EFCAB11: variants seen among roughly 807,000 people sequenced by gnomAD.
EFCAB11 encodes the protein EF-hand calcium binding domain 11, also known as EF-hand calcium-binding domain-containing protein 11.
Under a neutral mutation model 23.0 loss-of-function variants are expected in EFCAB11, and 14 were observed. That is an observed-to-expected ratio of 0.61 (90% CI 0.40 to 0.95). The LOEUF (loss-of-function observed/expected upper bound fraction) is 0.95, where lower values mean the gene tolerates loss of function less well. EFCAB11 is among the 40% of genes least tolerant of loss of function. The pLI is 0.00. For synonymous variants in EFCAB11, 65 were observed against 66.6 expected (o/e 0.98, Z 0.11); for missense variants, 198 against 195.8 (o/e 1.01, Z -0.07).
chr14:89,902,014 T>C (rs1040927926), intron 5 of EFCAB11, among the ~76,000 whole-genome samples: 1 of 126,500 alleles, frequency 7.9e-6, no homozygotes, highest in South Asian at 2.4e-4. Flanking sequence ...TAAGGGCTAC[T>C]CACCGTCATA....
At chr14:89,867,046 C>T (rs921929831) in intron 5 of EFCAB11, among the ~76,000 whole-genome samples, 1 of 152,148 alleles carries the variant, frequency 6.6e-6, no homozygotes, top group Non-Finnish European at 1.5e-5. Flanking sequence ...GGATTACAGG[C>T]GTGAGCCACT....
intron 5 of EFCAB11, among the ~76,000 whole-genome samples, chr14:89,844,025 C>G (rs1287252139): frequency 6.6e-6 from 1 of 152,122 alleles, no homozygotes; most frequent in African/African-American, 2.4e-5. Flanking sequence ...AAATGTCGAC[C>G]AAATACTAAA....
intron 5 of EFCAB11, among the ~76,000 whole-genome samples, chr14:89,801,323 T>C (rs1187379339): frequency 6.6e-6 from 1 of 152,160 alleles, no homozygotes; most frequent in African/African-American, 2.4e-5. Flanking sequence ...CTGTGGGGGA[T>C]GGTGACTTTG....
intron 5 of EFCAB11, among the ~76,000 whole-genome samples, chr14:89,806,559 G>GA (rs1566765386): frequency 3.9e-5 from 6 of 152,230 alleles, no homozygotes; most frequent in Non-Finnish European, 7.4e-5. Flanking sequence ...TAACAAATCT[G>GA]TTTCCTACAC....
At chr14:89,892,432 A>G in intron 5 of EFCAB11, 1 of 1,564,730 alleles carries the variant, frequency 6.4e-7, no homozygotes, top group Non-Finnish European at 8.6e-7. Flanking sequence ...ACCCAGGCCC[A>G]TGCCAGTGTT....
At chr14:89,954,182 T>TA (rs1328961035) in intron 1 of EFCAB11, among the ~76,000 whole-genome samples, 181 bp from the exon 2 acceptor site, 1 of 152,218 alleles carries the variant, frequency 6.6e-6, no homozygotes, top group African/African-American at 2.4e-5. Flanking sequence ...GAAATTTTCT[T>TA]AAACATGGGC....
At chr14:89,827,432 C>T (rs570741215) in intron 5 of EFCAB11, among the ~76,000 whole-genome samples, 5 of 152,084 alleles carry the variant, frequency 3.3e-5, no homozygotes, top group East Asian at 1.9e-4. Flanking sequence ...CTTCTCTGGC[C>T]GCCCGGTAGC....
At chr14:89,939,017 A>T (rs886293803) in intron 3 of EFCAB11, among the ~76,000 whole-genome samples, 3 of 151,936 alleles carry the variant, frequency 2.0e-5, no homozygotes, top group Non-Finnish European at 2.9e-5. Context: ...AGAAATCTGA[A>T]CCAATAAAAT....
At chr14:89,833,351 G>A (rs1166297083) in intron 5 of EFCAB11, among the ~76,000 whole-genome samples, 8 of 152,300 alleles carry the variant, frequency 5.3e-5, no homozygotes, top group Middle Eastern at 3.4e-3. Flanking sequence ...ATGCTGGCAG[G>A]TAAAGCCAAA....
At chr14:89,854,246 A>T (rs1887683227) in intron 5 of EFCAB11, among the ~76,000 whole-genome samples, 1 of 151,460 alleles carries the variant, frequency 6.6e-6, no homozygotes, top group African/African-American at 2.4e-5. Context: ...CATTTTTTTT[A>T]AAGAGGCATT....
At chr14:89,850,633 C>T (rs1887574733) in intron 5 of EFCAB11, among the ~76,000 whole-genome samples, 1 of 152,188 alleles carries the variant, frequency 6.6e-6, no homozygotes, top group Non-Finnish European at 1.5e-5. Flanking sequence ...CCATTCTAAG[C>T]CCTTGCTTTT....
At chr14:89,816,389 T>A (rs1166102095) in intron 5 of EFCAB11, among the ~76,000 whole-genome samples, 1 of 152,164 alleles carries the variant, frequency 6.6e-6, no homozygotes, top group African/African-American at 2.4e-5. Flanking sequence ...AAAAAGAAAG[T>A]CTTTGAAACA....
chr14:89,926,978 T>C (rs1237354867), intron 5 of EFCAB11, among the ~76,000 whole-genome samples: 1 of 152,190 alleles, frequency 6.6e-6, no homozygotes, highest in African/African-American at 2.4e-5. Context: ...TAATATGTTT[T>C]CTAAAAAAAC....
At position 89,796,697 on chromosome 14, in the gene EFCAB11, A is replaced by G. The variant is rs1171638548; in HGVS notation, c.*546T>C. 1 of 152,654 alleles carries G rather than the reference A, an allele frequency of 6.6e-6. No homozygotes were observed. The highest frequency in any genetic ancestry group is 2.4e-5 in the African/African-American group (1 of 41,442). The allele number at this position is 152,654 out of a possible 1,614,324, so 9.5% of individuals were successfully genotyped here. On this transcript the variant is annotated 3_prime_UTR_variant, in exon 6 of 6. Coordinates refer to ENST00000316738, the MANE Select transcript of EFCAB11 (RefSeq NM_145231.4). ...TATGTGTAGGTGCTATTATTTGTTC[A>G]ACCAATGTTGAGCAAATGAAGGAAA...
chr14:89,944,339 GC>G (rs1890892807), intron 3 of EFCAB11, among the ~76,000 whole-genome samples: 1 of 152,150 alleles, frequency 6.6e-6, no homozygotes, highest in South Asian at 2.1e-4. Context: ...GGAAAGACCT[GC>G]CCCCATTATT....
At chr14:89,856,488 T>C (rs1484315981) in intron 5 of EFCAB11, among the ~76,000 whole-genome samples, 3 of 152,160 alleles carry the variant, frequency 2.0e-5, no homozygotes, top group Admixed American at 6.5e-5. Context: ...CCATGCCGTA[T>C]TTTGAATTTC....
At chr14:89,925,442 T>A (rs1010545019) in intron 5 of EFCAB11, among the ~76,000 whole-genome samples, 9 of 152,216 alleles carry the variant, frequency 5.9e-5, no homozygotes, top group African/African-American at 2.2e-4. Context: ...ACTTAACTTT[T>A]AATTGCTCAA....
intron 5 of EFCAB11, chr14:89,836,303 A>C: frequency 7.6e-6 from 2 of 262,408 alleles, no homozygotes; most frequent in Admixed American, 9.3e-5. Flanking sequence ...TGGAGCAAGG[A>C]CTCTATTGGA....
At chr14:89,929,143 C>T (rs1596460321) in intron 5 of EFCAB11, among the ~76,000 whole-genome samples, 1 of 151,372 alleles carries the variant, frequency 6.6e-6, no homozygotes, top group Admixed American at 6.6e-5. Context: ...AACTTCTGGG[C>T]TCAAGAGATC....
Sources: allele counts gnomAD v4.1 joint callset (sites outside exome capture counted in the v4.1 genomes callset), GRCh38; gene constraint gnomAD v4.1.1; transcripts MANE v1.5; gene names NCBI Gene and HGNC (gene_info 2026-07-23, HGNC 2026-07-21).